The following DCC variants were observed in gnomAD, a reference collection of about 807,000 sequenced individuals.
The protein encoded by DCC is netrin receptor DCC.
DCC carries 58 observed loss-of-function variants against 172.5 expected under a neutral mutation model. The observed-to-expected ratio is 0.34, with a 90% CI of 0.27 to 0.42. The LOEUF is 0.42. Ranked by LOEUF, DCC falls within the 10% of genes least tolerant of loss-of-function variation. The pLI, the probability that DCC is intolerant of heterozygous loss-of-function variation, is 1.00. For missense variants in DCC, 1,740 were observed against 1,791.0 expected (o/e 0.97, Z 0.51); for synonymous variants, 709 against 644.5 (o/e 1.10, Z -1.52).
intron 5 of DCC, among the ~76,000 whole-genome samples, chr18:53,059,306 G>C (rs1367606702): frequency 6.6e-6 from 1 of 152,088 alleles, no homozygotes; most frequent in Non-Finnish European, 1.5e-5. Context: ...ATATATTATA[G>C]AGTGAAACAG....
At chr18:53,365,468 G>C (rs1347157494) in intron 15 of DCC, among the ~76,000 whole-genome samples, 1 of 147,708 alleles carries the variant, frequency 6.8e-6, no homozygotes, top group Non-Finnish European at 1.5e-5. Context: ...AAAGAAAAAA[G>C]CAGCAAACTT....
intron 2 of DCC, among the ~76,000 whole-genome samples, chr18:52,788,763 C>G (rs1463078213): frequency 6.6e-6 from 1 of 152,134 alleles, no homozygotes; most frequent in African/African-American, 2.4e-5. Flanking sequence ...GCATGCATTT[C>G]TAGGGCATAA....
chr18:52,761,069 GAC>G (rs1419307941), intron 2 of DCC, among the ~76,000 whole-genome samples: 1 of 152,194 alleles, frequency 6.6e-6, no homozygotes, highest in Non-Finnish European at 1.5e-5. Context: ...TGCTGATAAA[GAC>G]ATACCAGAGA....
intron 1 of DCC, among the ~76,000 whole-genome samples, chr18:52,394,182 C>T (rs978604225): frequency 1.4e-4 from 22 of 152,172 alleles, no homozygotes; most frequent in African/African-American, 5.1e-4. Context: ...CCAAGGCATC[C>T]TCGTCTTTCT....
chr18:53,036,747 T>C (rs149037824), intron 5 of DCC, among the ~76,000 whole-genome samples: 2 of 152,006 alleles, frequency 1.3e-5, no homozygotes, highest in African/African-American at 4.8e-5. Flanking sequence ...AGAAGGCAAA[T>C]GAGAAAGCAG....
chr18:53,385,737 T>C (rs1286587938), intron 15 of DCC, among the ~76,000 whole-genome samples: 2 of 152,212 alleles, frequency 1.3e-5, no homozygotes, highest in East Asian at 3.9e-4. Context: ...GTCGGTTGTT[T>C]ATTCACACCC....
At chr18:53,192,164 A>C (rs1420784156) in intron 9 of DCC, among the ~76,000 whole-genome samples, 1 of 152,168 alleles carries the variant, frequency 6.6e-6, no homozygotes, top group Non-Finnish European at 1.5e-5. Context: ...TGTGATTATC[A>C]ATCTTTCCAT....
chr18:53,113,858 TTC>T (rs1342421945), intron 7 of DCC, among the ~76,000 whole-genome samples: 1 of 151,416 alleles, frequency 6.6e-6, no homozygotes, highest in Non-Finnish European at 1.5e-5. Flanking sequence ...CTGCTTCACT[TTC>T]TGTCATTTTA....
At chr18:52,723,591 G>A (rs1427732466) in intron 1 of DCC, among the ~76,000 whole-genome samples, 4 of 152,142 alleles carry the variant, frequency 2.6e-5, no homozygotes, top group Non-Finnish European at 4.4e-5. Flanking sequence ...CAGAGGGTGA[G>A]GCTTGGCTGT....
intron 12 of DCC, among the ~76,000 whole-genome samples, chr18:53,289,184 T>C (rs2056970287): frequency 6.6e-6 from 1 of 152,150 alleles, no homozygotes; most frequent in African/African-American, 2.4e-5. Context: ...TTTATTCCTT[T>C]TGAAAAATAA....
Position 52,471,054 on chromosome 18 carries a change from A to G in DCC, c.91+130176A>G, listed in dbSNP as rs913681410. ...TAATAACTGTTCACACGCTGAGAAT[A>G]GAATATCAACTCCTGGCTGGGCGTG... On this transcript the variant is annotated intron_variant, in intron 1 of 28. Coordinates refer to ENST00000442544, the MANE Select transcript of DCC (RefSeq NM_005215.4). Among the ~76,000 whole-genome samples the G allele has an allele frequency of 2.0e-5, 3 of 152,326 alleles. No individual in the cohort carries two copies. In the South Asian group the frequency reaches 6.2e-4, roughly 32 times the overall value.
Position 53,205,226 on chromosome 18 carries a change from A to G in DCC, c.1584A>G (p.Pro528=). 3 of 1,612,970 alleles carry G rather than the reference A, an allele frequency of 1.9e-6. No individual in the cohort carries two copies. The highest frequency in any genetic ancestry group is 2.5e-6 in the Non-Finnish European group (3 of 1,178,968). The change falls in exon 10 of 29, where the codon CCA becomes CCG. Residue 528 remains proline, a synonymous_variant. Coordinates refer to ENST00000442544, the MANE Select transcript of DCC (RefSeq NM_005215.4). ...TATTTTTTTATACAGTGCAAGTTCC[A>G]GGGCCAGTAGAAAACCTGCAAGCTG... ...KVATQPELQV[P]GPVENLQAVS... is the part of the protein sequence containing the mutation.
intron 11 of DCC, among the ~76,000 whole-genome samples, chr18:53,213,928 C>T (rs1043024411): frequency 6.6e-6 from 1 of 151,176 alleles, no homozygotes; most frequent in African/African-American, 2.4e-5. Flanking sequence ...GGGACCAAAC[C>T]CTGAATATGG....
intron 9 of DCC, among the ~76,000 whole-genome samples, chr18:53,195,059 C>T (rs953067716): frequency 1.6e-4 from 24 of 152,130 alleles, no homozygotes; most frequent in African/African-American, 3.4e-4. Context: ...GCTAGCTCTG[C>T]GATACAGAAA....
intron 2 of DCC, chr18:52,753,943 T>A (rs567568777): frequency 6.6e-6 from 1 of 152,170 alleles, no homozygotes; most frequent in African/African-American, 2.4e-5. Flanking sequence ...GGCAAGCAGA[T>A]TGAACTTGAA....
chr18:53,348,755 G>A (rs1424586170), intron 15 of DCC, among the ~76,000 whole-genome samples: 2 of 152,146 alleles, frequency 1.3e-5, no homozygotes, highest in African/African-American at 4.8e-5. Context: ...CTGAAACCAT[G>A]GCCCTATCTC....
chr18:53,224,401 C>A (rs868433885), intron 12 of DCC, among the ~76,000 whole-genome samples: 2 of 152,024 alleles, frequency 1.3e-5, no homozygotes, highest in Non-Finnish European at 2.9e-5. Context: ...CCAGATCTGG[C>A]GGGGCTTTGT....
intron 2 of DCC, among the ~76,000 whole-genome samples, chr18:52,821,157 A>G (rs987564694): frequency 3.3e-5 from 5 of 152,174 alleles, no homozygotes; most frequent in African/African-American, 7.2e-5. Context: ...AAATCAGAAA[A>G]AAGAATGCTG....
intron 1 of DCC, among the ~76,000 whole-genome samples, chr18:52,416,249 A>G (rs925892946): frequency 1.3e-5 from 2 of 151,538 alleles, no homozygotes; most frequent in African/African-American, 4.9e-5. Flanking sequence ...AATTTGTTTT[A>G]TTTTCTGTTC....
Sources: gnomAD v4.1 joint callset for allele counts (sites outside exome capture counted in the v4.1 genomes callset) on GRCh38, gnomAD v4.1.1 for gene constraint, MANE v1.5 for transcripts, NCBI Gene and HGNC (gene_info 2026-07-23, HGNC 2026-07-21) for gene names.